SP140L: variants seen among roughly 807,000 people sequenced by gnomAD.
The protein encoded by SP140L is SP140 like nuclear body protein, also known as nuclear body protein SP140-like protein.
A neutral mutation model predicts 84.3 loss-of-function variants in SP140L; 64 were observed. That is an observed-to-expected ratio of 0.76 (90% CI 0.62 to 0.94). SP140L has a LOEUF of 0.94. SP140L is among the 40% of genes least tolerant of loss of function. The probability of loss-of-function intolerance (pLI) is 0.00; values close to 1 mark genes in which losing one functional copy is unlikely to be tolerated. For synonymous variants in SP140L, 242 were observed against 236.9 expected (o/e 1.02, Z -0.20); for missense variants, 628 against 692.5 (o/e 0.91, Z 1.05).
chr2:230,358,402 T>C (rs2060613759), intron 3 of SP140L, among the ~76,000 whole-genome samples: 1 of 152,204 alleles, frequency 6.6e-6, no homozygotes, highest in Admixed American at 6.5e-5. Context: ...CCAACACATT[T>C]GTTTTCTTGT....
At chr2:230,373,468 C>G (rs2555821) in intron 7 of SP140L, among the ~76,000 whole-genome samples, 1 of 152,198 alleles carries the variant, frequency 6.6e-6, no homozygotes, top group Non-Finnish European at 1.5e-5. Flanking sequence ...AAGAATTATT[C>G]TAAATCTACT....
At position 230,358,493 on chromosome 2, in the gene SP140L, C is replaced by T. The variant is rs543101730; in HGVS notation, c.271-471C>T. On this transcript the variant is annotated intron_variant, in intron 3 of 18. Coordinates refer to ENST00000415673, the MANE Select transcript of SP140L (RefSeq NM_138402.6). The stretch of plus-strand genomic sequence containing the variant: ...AGGCCCTGTTGGAGATACAGAACAG[C>T]GAGTCATCTCTGGCTATGAATATGC... Among the ~76,000 whole-genome samples the T allele has an allele frequency of 1.6e-4, 24 of 152,096 alleles. 1 individual carries two copies. The highest frequency in any genetic ancestry group is 4.6e-4 in the African/African-American group (19 of 41,412).
chr2:230,396,657 T>C, intron 13 of SP140L, 100 bp from the exon 14 acceptor site: 1 of 1,394,966 alleles, frequency 7.2e-7, no homozygotes, highest in Non-Finnish European at 9.8e-7. Flanking sequence ...TTACAACTGG[T>C]TCCTGAATCC....
At chr2:230,354,885 GAAA>G (rs2060486872) in intron 2 of SP140L, among the ~76,000 whole-genome samples, 2 of 124,408 alleles carry the variant, frequency 1.6e-5, no homozygotes, top group Admixed American at 8.1e-5. Context: ...AAGAAAGAAA[GAAA>G]GAAAGAAAGG....
chr2:230,332,122 C>T (rs763438168), intron 2 of SP140L, among the ~76,000 whole-genome samples: 16 of 152,052 alleles, frequency 1.1e-4, no homozygotes, highest in East Asian at 7.7e-4. Context: ...TTTTCTGCTC[C>T]GGTTTACTAA....
intron 5 of SP140L, among the ~76,000 whole-genome samples, chr2:230,367,292 T>TTCC (rs2060912702): frequency 9.3e-6 from 1 of 107,464 alleles, no homozygotes; most frequent in Admixed American, 1.1e-4. Flanking sequence ...CTTTCTTTTT[T>TTCC]TTCTTTTTTT....
chr2:230,336,496 G>A (rs934483316), intron 2 of SP140L, among the ~76,000 whole-genome samples: 8 of 152,170 alleles, frequency 5.3e-5, no homozygotes, highest in African/African-American at 1.9e-4. Context: ...CTATGAGGAG[G>A]AAACAAGTTA....
chr2:230,332,531 A>G (rs574225504), intron 2 of SP140L, among the ~76,000 whole-genome samples: 49 of 152,376 alleles, frequency 3.2e-4, no homozygotes, highest in African/African-American at 1.2e-3. Flanking sequence ...TTCTCGTAAT[A>G]CATCACAGTT....
Position 230,383,682 on chromosome 2 carries a change from C to T in SP140L, c.703+107C>T, listed in dbSNP as rs2061480872. On this transcript the variant is annotated intron_variant, in intron 8 of 18. Transcript: ENST00000415673. ...CGAGGGCCAGGAGAGTTCTGTACTT[C>T]CTGTATCCGTTAGGATGTAGACCAA... The T allele has an allele frequency of 1.0e-5, 11 of 1,077,828 alleles. No homozygotes were observed. In the South Asian group the frequency reaches 1.9e-4, roughly 19 times the overall value. The allele number at this position is 1,077,828 out of a possible 1,614,324, so 66.8% of individuals were successfully genotyped here.
intron 2 of SP140L, among the ~76,000 whole-genome samples, chr2:230,345,594 TC>T (rs1284943261): frequency 4.0e-4 from 60 of 150,472 alleles, no homozygotes; most frequent in African/African-American, 1.4e-3. Flanking sequence ...TTTTTTTTTT[TC>T]CTTTCTTTTT....
At chr2:230,390,152 A>G (rs1248331825) in intron 11 of SP140L, 129 bp downstream of exon 11, 1 of 761,508 alleles carries the variant, frequency 1.3e-6, no homozygotes, top group East Asian at 2.7e-5. Context: ...GGGAAGGAGG[A>G]AGGGATCCCT....
In SP140L at chr2:230,349,327, T is replaced by C. The variant is rs140059584; in HGVS notation, c.108-8478T>C. Among the ~76,000 whole-genome samples the C allele has an allele frequency of 1.2e-3, 186 of 152,312 alleles. 3 individuals carry two copies. In the East Asian group the frequency reaches 0.032, roughly 27 times the overall value. On this transcript the variant is annotated intron_variant, in intron 2 of 18. Transcript: ENST00000415673. The stretch of plus-strand genomic sequence containing the variant: ...TCTTCCAACTTTTTTCTTCTTTTTA[T>C]AGATTGTTTTGGCTATTCTGGGTTC...
At chr2:230,369,980 G>A (rs1030262475) in intron 5 of SP140L, among the ~76,000 whole-genome samples, 5 of 148,100 alleles carry the variant, frequency 3.4e-5, no homozygotes, top group African/African-American at 5.3e-5. Flanking sequence ...CACCCTGTTG[G>A]CCAGGCTGGT....
chr2:230,348,526 G>A (rs949043008), intron 2 of SP140L, among the ~76,000 whole-genome samples: 8 of 152,162 alleles, frequency 5.3e-5, no homozygotes, highest in Middle Eastern at 3.4e-3. Context: ...TGTGTCTTTC[G>A]GAGAAATATC....
chr2:230,342,824 T>C (rs1456514295), intron 2 of SP140L, among the ~76,000 whole-genome samples: 1 of 151,998 alleles, frequency 6.6e-6, no homozygotes, highest in Non-Finnish European at 1.5e-5. Context: ...TTTTTTAAAA[T>C]CTTTTCAAAG....
intron 7 of SP140L, chr2:230,372,872 A>G (rs1296935721): frequency 6.6e-6 from 1 of 152,186 alleles, no homozygotes; most frequent in Non-Finnish European, 1.5e-5. Context: ...TGGCCAAGTT[A>G]TGAATGCAAA....
chr2:230,359,413 G>A (rs1376551628), intron 4 of SP140L, among the ~76,000 whole-genome samples: 2 of 152,098 alleles, frequency 1.3e-5, no homozygotes, highest in Admixed American at 6.5e-5. Context: ...ACACCAACGG[G>A]GCAGCATCAG....
intron 18 of SP140L, 140 bp from the exon 19 acceptor site, chr2:230,402,658 C>A (rs2062405190): frequency 1.5e-6 from 1 of 662,188 alleles, no homozygotes; most frequent in South Asian, 2.0e-5. Context: ...GCTTTGTACT[C>A]CAAAATACAT....
intron 1 of SP140L, among the ~76,000 whole-genome samples, chr2:230,327,860 G>A (rs1323677634): frequency 6.6e-6 from 1 of 152,126 alleles, no homozygotes; most frequent in African/African-American, 2.4e-5. Context: ...CTGACTCAGG[G>A]TGTGAGTTCT....
Sources: gnomAD v4.1 joint callset for allele counts (sites outside exome capture counted in the v4.1 genomes callset) on GRCh38, gnomAD v4.1.1 for gene constraint, MANE v1.5 for transcripts, NCBI Gene and HGNC (gene_info 2026-07-23, HGNC 2026-07-21) for gene names.